KLRD1: variants seen among roughly 807,000 people sequenced by gnomAD.
The protein encoded by KLRD1 is natural killer cells antigen CD94.
In KLRD1, 21 loss-of-function variants were observed where a neutral mutation model predicts 22.6. The observed-to-expected ratio is 0.93, with a 90% confidence interval of 0.66 to 1.34. The LOEUF (loss-of-function observed/expected upper bound fraction) is 1.34. Ranked by LOEUF, KLRD1 falls within the 40% of genes most tolerant of loss-of-function variation. The probability of loss-of-function intolerance (pLI) is 0.00; values close to 1 mark genes in which losing one functional copy is unlikely to be tolerated. For synonymous variants in KLRD1, 59 were observed against 71.1 expected, an observed-to-expected ratio of 0.83 and a Z score of 0.85; for missense variants, 183 against 208.6, an observed-to-expected ratio of 0.88 and a Z score of 0.76.
upstream of KLRD1, chr12:10,307,773 G>A (rs1355648618): frequency 7.0e-6 from 2 of 287,064 alleles, no homozygotes; most frequent in Admixed American, 4.9e-5. Flanking sequence ...ACCTTCTTTA[G>A]TCCTTGCCAA....
rs553528178 is a variant in KLRD1, at chr12:10,323,955, G to T, written c.*9162G>T. 8.0e-5 allele frequency: 11 copies of T among 136,804 alleles called. No individual in the cohort carries two copies. Among genetic ancestry groups the T allele is most frequent in the African/African-American group, 2.9e-4 (11 of 38,050 alleles). The allele number at this position is 136,804 out of a possible 1,614,324, so 8.5% of individuals were successfully genotyped here. ...CAGCTCACTGCAACCTTCACCACCTGGGTTCAAGTTATTCTCATGCCTCAG... is the reference window on the plus strand; with the variant it reads ...CAGCTCACTGCAACCTTCACCACCTTGGTTCAAGTTATTCTCATGCCTCAG... On this transcript the variant is annotated 3_prime_UTR_variant, in exon 6 of 6. Coordinates refer to ENST00000336164, the MANE Select transcript of KLRD1 (RefSeq NM_002262.5).
Position 10,257,025 on chromosome 12 carries a change from T to A in KLRD1, c.-101+30792T>A, listed in dbSNP as rs199686503. 2.0e-4 allele frequency among the ~76,000 whole-genome samples: 3 copies of A among 15,338 alleles called. No homozygotes were observed. In the East Asian group the frequency reaches 0.012, roughly 61 times the overall value. 10.1% of individuals were successfully genotyped at this position (15,338 alleles called of 152,430 possible). A position where few individuals can be genotyped will look rare whatever the true frequency, so the allele number is the denominator to read the frequency against. ...AATTCATAACTTTAGATATACCACC[T>A]CTCTGCCTTGTGGCCTCCAAAGCTT... On this transcript the variant is annotated intron_variant, in intron 1 of 5. Transcript: ENST00000544747.
At chr12:10,244,344 C>G (rs1354388120) in intron 1 of KLRD1, among the ~76,000 whole-genome samples, 1 of 152,142 alleles carries the variant, frequency 6.6e-6, no homozygotes, top group Non-Finnish European at 1.5e-5. Flanking sequence ...ACCCACCAGG[C>G]TCAAGGACTC....
At chr12:10,256,051 T>C (rs1352892383) in intron 1 of KLRD1, among the ~76,000 whole-genome samples, 3 of 152,134 alleles carry the variant, frequency 2.0e-5, no homozygotes, top group African/African-American at 7.2e-5. Flanking sequence ...TCTTGAGGAA[T>C]TGACACTTTT....
At chr12:10,300,947 C>T (rs185040715), upstream of KLRD1, among the ~76,000 whole-genome samples, 451 of 152,308 alleles carry the variant, frequency 3.0e-3, no homozygotes, top group Non-Finnish European at 4.5e-3. Flanking sequence ...CTGCAGCTTC[C>T]TCACCATTCT....
intron 1 of KLRD1, among the ~76,000 whole-genome samples, chr12:10,246,673 C>A (rs1949294074): frequency 6.6e-6 from 1 of 151,934 alleles, no homozygotes; most frequent in Non-Finnish European, 1.5e-5. Context: ...AACTATTGAC[C>A]AAATGGAATA....
chr12:10,257,650 TC>T (rs1390615471), intron 1 of KLRD1, among the ~76,000 whole-genome samples: 1 of 45,074 alleles, frequency 2.2e-5, no homozygotes, highest in African/African-American at 3.0e-5. Context: ...TCTGTTTTTT[TC>T]TTTAACTTTT....
chr12:10,296,154 T>G (rs1018625318), intron 1 of KLRD1, among the ~76,000 whole-genome samples: 3 of 152,202 alleles, frequency 2.0e-5, no homozygotes, highest in African/African-American at 7.2e-5. Flanking sequence ...GACTACAGAC[T>G]GTAGGACATA....
chr12:10,307,570 G>A (rs1053602770), upstream of KLRD1, among the ~76,000 whole-genome samples: 5 of 152,180 alleles, frequency 3.3e-5, no homozygotes, highest in African/African-American at 9.7e-5. Flanking sequence ...TTTAAATTGT[G>A]TTAAGTACAA....
At chr12:10,284,161 G>A (rs1040853283) in intron 1 of KLRD1, among the ~76,000 whole-genome samples, 1 of 151,004 alleles carries the variant, frequency 6.6e-6, no homozygotes. Context: ...ACTCCAGCCT[G>A]GGTGACAAGA....
At position 10,314,838 on chromosome 12, in the gene KLRD1, A is replaced by G. The variant is rs1186153027; in HGVS notation, c.*45A>G. 1.5e-5 allele frequency: 23 copies of G among 1,540,700 alleles called. No individual in the cohort carries two copies. The highest frequency in any genetic ancestry group is 2.0e-5 in the Non-Finnish European group (23 of 1,133,032). On this transcript the variant is annotated 3_prime_UTR_variant, in exon 6 of 6. Coordinates refer to ENST00000336164, the MANE Select transcript of KLRD1 (RefSeq NM_002262.5). The stretch of plus-strand genomic sequence containing the variant: ...AGGTGGAGAGTAAAGACCCAACATT[A>G]CTAACAATGATACAGTTGCATGTTA...
At chr12:10,297,859 G>A (rs4764386) in intron 1 of KLRD1, among the ~76,000 whole-genome samples, 152,344 of 152,358 alleles carry the variant, frequency 1, 76,165 homozygotes, top group Middle Eastern at 1. Flanking sequence ...GACTTTCCCA[G>A]ATGAAATATA....
intron 1 of KLRD1, among the ~76,000 whole-genome samples, chr12:10,283,641 C>T (rs1177673030): frequency 6.6e-6 from 1 of 152,006 alleles, no homozygotes; most frequent in Non-Finnish European, 1.5e-5. Flanking sequence ...AGGCTTCTCC[C>T]CTCTTCCTAC....
chr12:10,254,290 C>G (rs7961370), intron 1 of KLRD1, among the ~76,000 whole-genome samples: 4 of 151,064 alleles, frequency 2.6e-5, no homozygotes, highest in African/African-American at 4.9e-5. Flanking sequence ...TAGCAGGGCG[C>G]GGTGGAGGGC....
intron 1 of KLRD1, among the ~76,000 whole-genome samples, chr12:10,279,074 A>G (rs1207334206): frequency 6.8e-6 from 1 of 146,992 alleles, no homozygotes; most frequent in African/African-American, 2.5e-5. Flanking sequence ...GATTTGGTTT[A>G]CAGGTTATTT....
chr12:10,272,985 C>T (rs905950288), intron 1 of KLRD1, among the ~76,000 whole-genome samples: 18 of 151,948 alleles, frequency 1.2e-4, no homozygotes, highest in Admixed American at 9.8e-4. Flanking sequence ...TCAGAAATAC[C>T]TTTTTTGTGA....
chr12:10,311,507 G>C lies in KLRD1; in HGVS notation c.207G>C (p.Arg69=). ...CSCQEKWVGY[R]CNCYFISSEQ... The stretch of plus-strand genomic sequence containing the variant: ...GCCAAGAAAAATGGGTTGGGTACCG[G>C]TGCAACTGTTACTTCATTTCCAGTG... The change falls in exon 4 of 6, where the codon CGG becomes CGC. Residue 69 remains arginine (R), a synonymous_variant. Coordinates refer to ENST00000336164, the MANE Select transcript of KLRD1 (RefSeq NM_002262.5). The C allele has an allele frequency of 6.2e-7, 1 of 1,613,940 alleles. No homozygotes were observed. Among genetic ancestry groups the C allele is most frequent in the South Asian group, 1.1e-5 (1 of 91,048 alleles).
At chr12:10,286,489 C>G (rs947577162) in intron 1 of KLRD1, among the ~76,000 whole-genome samples, 33 of 147,416 alleles carry the variant, frequency 2.2e-4, no homozygotes, top group African/African-American at 8.9e-4. Flanking sequence ...GTAACCTACT[C>G]AAGTTTACGA....
At chr12:10,240,605 C>CA (rs1222955722) in intron 1 of KLRD1, among the ~76,000 whole-genome samples, 1 of 152,124 alleles carries the variant, frequency 6.6e-6, no homozygotes, top group Non-Finnish European at 1.5e-5. Flanking sequence ...CACCCAGCTT[C>CA]AACTCACTCC....
Sources: allele counts gnomAD v4.1 joint callset (sites outside exome capture counted in the v4.1 genomes callset), GRCh38; gene constraint gnomAD v4.1.1; transcripts MANE v1.5; gene names NCBI Gene and HGNC (gene_info 2026-07-23, HGNC 2026-07-21).